The following KCNC2 variants were observed in gnomAD, a reference collection of about 807,000 sequenced individuals.
The protein encoded by KCNC2 is voltage-gated potassium channel KCNC2.
Under a neutral mutation model 44.5 loss-of-function variants are expected in KCNC2, and 21 were observed. That is an observed-to-expected ratio of 0.47 (90% confidence interval 0.33 to 0.68). The LOEUF (loss-of-function observed/expected upper bound fraction) is 0.68. KCNC2 is among the 30% of genes least tolerant of loss of function. The pLI is 0.01. For missense variants in KCNC2, 589 were observed against 826.2 expected, an observed-to-expected ratio of 0.71 and a Z score of 3.52; for synonymous variants, 391 against 339.1, an observed-to-expected ratio of 1.15 and a Z score of -1.68.
intron 2 of KCNC2, among the ~76,000 whole-genome samples, chr12:75,084,973 A>G (rs2137099814): frequency 6.6e-6 from 1 of 151,098 alleles, no homozygotes; most frequent in South Asian, 2.1e-4. Flanking sequence ...ATCCAAAGAG[A>G]TCAGTTAAAA....
intron 2 of KCNC2, among the ~76,000 whole-genome samples, chr12:75,145,354 A>T (rs925811602): frequency 2.0e-5 from 3 of 151,860 alleles, no homozygotes; most frequent in Admixed American, 6.6e-5. Flanking sequence ...GATTTCTAAC[A>T]CTCTATGAAT....
intron 4 of KCNC2, among the ~76,000 whole-genome samples, chr12:75,046,873 G>A (rs1880582867): frequency 6.6e-6 from 1 of 151,760 alleles, no homozygotes. Flanking sequence ...AGTCTCAAAG[G>A]CATAGAAGCA....
At chr12:75,076,038 TAC>T (rs71078709) in intron 2 of KCNC2, among the ~76,000 whole-genome samples, 49,613 of 141,132 alleles carry the variant, frequency 0.35, 9,622 homozygotes, top group Non-Finnish European at 0.47. Flanking sequence ...TAATGTTACA[TAC>T]ACACACACAC....
intron 2 of KCNC2, among the ~76,000 whole-genome samples, chr12:75,092,302 CT>C (rs765143835): frequency 1.3e-5 from 2 of 151,538 alleles, no homozygotes; most frequent in Admixed American, 6.6e-5. Flanking sequence ...AATTAAAATC[CT>C]TGCTTTAGAA....
At chr12:75,156,798 C>T (rs980296930) in intron 2 of KCNC2, among the ~76,000 whole-genome samples, 1 of 151,782 alleles carries the variant, frequency 6.6e-6, no homozygotes, top group African/African-American at 2.4e-5. Flanking sequence ...TTTTGGGCTC[C>T]AAAAATTCAT....
intron 2 of KCNC2, among the ~76,000 whole-genome samples, chr12:75,197,875 C>G (rs193121923): frequency 1.0e-3 from 153 of 151,838 alleles, no homozygotes; most frequent in Non-Finnish European, 1.7e-3. Flanking sequence ...ATCTAAAAAA[C>G]AAACATTACT....
At chr12:75,174,263 A>G (rs1481782779) in intron 2 of KCNC2, among the ~76,000 whole-genome samples, 1 of 151,858 alleles carries the variant, frequency 6.6e-6, no homozygotes, top group Non-Finnish European at 1.5e-5. Flanking sequence ...TTTAAATAAC[A>G]AACTTGAACA....
At chr12:75,109,807 T>C (rs1449043047) in intron 2 of KCNC2, among the ~76,000 whole-genome samples, 1 of 152,082 alleles carries the variant, frequency 6.6e-6, no homozygotes, top group African/African-American at 2.4e-5. Context: ...TTTTAAATAG[T>C]TCACATAGAG....
At chr12:75,121,273 C>A (rs753658647) in intron 2 of KCNC2, among the ~76,000 whole-genome samples, 4 of 152,184 alleles carry the variant, frequency 2.6e-5, no homozygotes, top group African/African-American at 9.7e-5. Flanking sequence ...CATAAAGAAA[C>A]CAAGCATTCT....
chr12:75,110,571 T>C (rs528060339), intron 2 of KCNC2, among the ~76,000 whole-genome samples: 1 of 152,020 alleles, frequency 6.6e-6, no homozygotes, highest in East Asian at 1.9e-4. Flanking sequence ...GATCTTGGAA[T>C]AGGAAATGGT....
chr12:75,096,540 T>C (rs867645072), intron 2 of KCNC2, among the ~76,000 whole-genome samples: 5 of 152,004 alleles, frequency 3.3e-5, no homozygotes, highest in Non-Finnish European at 7.4e-5. Context: ...ATGGACAACT[T>C]GTTATTCAAA....
At chr12:75,083,847 T>C (rs1884718598) in intron 2 of KCNC2, among the ~76,000 whole-genome samples, 1 of 151,978 alleles carries the variant, frequency 6.6e-6, no homozygotes, top group African/African-American at 2.4e-5. Context: ...TAAAGAAATG[T>C]ACTATACAAT....
At chr12:75,159,760 A>G (rs1456230495) in intron 2 of KCNC2, among the ~76,000 whole-genome samples, 1 of 151,888 alleles carries the variant, frequency 6.6e-6, no homozygotes, top group Non-Finnish European at 1.5e-5. Context: ...TTTTGTAACT[A>G]CATATTGCAA....
intron 2 of KCNC2, among the ~76,000 whole-genome samples, chr12:75,102,943 T>C (rs1886492309): frequency 6.6e-6 from 1 of 152,106 alleles, no homozygotes; most frequent in African/African-American, 2.4e-5. Context: ...TCATATAATA[T>C]ATAAAACTGT....
At chr12:75,174,485 C>T (rs1267336176) in intron 2 of KCNC2, among the ~76,000 whole-genome samples, 1 of 151,862 alleles carries the variant, frequency 6.6e-6, no homozygotes, top group Non-Finnish European at 1.5e-5. Flanking sequence ...TTTTACCTTG[C>T]CTCTCTTCAC....
In KCNC2 at chr12:75,104,994, A is replaced by G. The variant is rs78116892; in HGVS notation, c.688-53677T>C. Among the ~76,000 whole-genome samples the G allele has an allele frequency of 1.7e-4, 26 of 152,304 alleles. No individual in the cohort carries two copies. The East Asian group carries it at 4.8e-3, about 28-fold the overall frequency. ...TGATTTAGGCACTTGAGAATTAAGC[A>G]AAGATCAAAAAATATAGAAGTCCCT... is the stretch of plus-strand genomic sequence containing the variant. On this transcript the variant is annotated intron_variant, in intron 2 of 4. Coordinates refer to ENST00000549446, the MANE Select transcript of KCNC2 (RefSeq NM_139137.4).
At chr12:75,148,419 GGT>G (rs1169724221) in intron 2 of KCNC2, among the ~76,000 whole-genome samples, 2 of 151,898 alleles carry the variant, frequency 1.3e-5, no homozygotes, top group Admixed American at 6.6e-5. Context: ...AGCATCCTTA[GGT>G]CAGGAGGTCT....
Position 75,075,414 on chromosome 12 carries a change from C to T in KCNC2, c.688-24097G>A, listed in dbSNP as rs559676187. On this transcript the variant is annotated intron_variant, in intron 2 of 4. Coordinates refer to ENST00000549446, the MANE Select transcript of KCNC2 (RefSeq NM_139137.4). ...ACTACTTTGGGGAAAAGTTGAATGT[C>T]TCCAAATATTAAATCCAATTCTCAG... Among the ~76,000 whole-genome samples, 5 of 149,252 alleles carry T rather than the reference C, an allele frequency of 3.4e-5. No individual in the cohort carries two copies. In the East Asian group the frequency reaches 7.9e-4, roughly 24 times the overall value.
intron 2 of KCNC2, among the ~76,000 whole-genome samples, chr12:75,071,345 C>A (rs901230083): frequency 6.6e-6 from 1 of 151,952 alleles, no homozygotes; most frequent in Admixed American, 6.6e-5. Flanking sequence ...TTAGACATAC[C>A]AGCTTCACGA....
Sources: allele counts gnomAD v4.1 joint callset (sites outside exome capture counted in the v4.1 genomes callset), GRCh38; gene constraint gnomAD v4.1.1; transcripts MANE v1.5; gene names NCBI Gene and HGNC (gene_info 2026-07-23, HGNC 2026-07-21).